The following ROBO2 variants were observed in gnomAD, a reference collection of about 807,000 sequenced individuals.
The protein encoded by ROBO2 is roundabout homolog 2.
A neutral mutation model predicts 160.8 loss-of-function variants in ROBO2; 53 were observed. The observed-to-expected ratio is 0.33, with a 90% CI of 0.26 to 0.41. ROBO2 has a LOEUF of 0.41. Ranked by LOEUF, ROBO2 falls within the 10% of genes least tolerant of loss-of-function variation. The pLI, the probability that ROBO2 is intolerant of heterozygous loss-of-function variation, is 1.00. For synonymous variants in ROBO2, 664 were observed against 611.7 expected, an observed-to-expected ratio of 1.09 and a Z score of -1.26; for missense variants, 1,577 against 1,722.4, an observed-to-expected ratio of 0.92 and a Z score of 1.49.
At chr3:77,443,452 G>A (rs1581986794) in intron 2 of ROBO2, among the ~76,000 whole-genome samples, 1 of 152,164 alleles carries the variant, frequency 6.6e-6, no homozygotes, top group Non-Finnish European at 1.5e-5. Context: ...CCCAATTTAA[G>A]TAGTGCAGTT....
intron 23 of ROBO2, chr3:77,633,938 C>G (rs904450237): frequency 6.6e-6 from 1 of 152,108 alleles, no homozygotes; most frequent in Non-Finnish European, 1.5e-5. Context: ...ATAGCTAACA[C>G]AGCATTAAGT....
chr3:76,274,385 A>G (rs951720401), intron 2 of ROBO2, among the ~76,000 whole-genome samples: 5 of 152,202 alleles, frequency 3.3e-5, no homozygotes, highest in African/African-American at 9.6e-5. Context: ...GATATCTTAA[A>G]CTAAGAATTA....
At chr3:76,630,467 T>C (rs540296688) in intron 2 of ROBO2, among the ~76,000 whole-genome samples, 6 of 145,438 alleles carry the variant, frequency 4.1e-5, no homozygotes, top group African/African-American at 1.7e-4. Flanking sequence ...TGTTTTGGTC[T>C]TTATTTAGAA....
intron 2 of ROBO2, among the ~76,000 whole-genome samples, chr3:76,041,978 G>C (rs569797653): frequency 5.5e-5 from 8 of 144,486 alleles, no homozygotes; most frequent in African/African-American, 2.3e-4. Context: ...GTGTGTGACA[G>C]AGAGTGAGAG....
At chr3:77,456,128 A>G (rs2081613281) in intron 2 of ROBO2, among the ~76,000 whole-genome samples, 1 of 152,218 alleles carries the variant, frequency 6.6e-6, no homozygotes, top group Non-Finnish European at 1.5e-5. Flanking sequence ...ATAATATCAT[A>G]GCACATTCTA....
chr3:76,600,318 A>G (rs1457214726), intron 2 of ROBO2, among the ~76,000 whole-genome samples: 1 of 152,210 alleles, frequency 6.6e-6, no homozygotes, highest in East Asian at 1.9e-4. Flanking sequence ...CAGTGTTTGA[A>G]TAACAGATTT....
chr3:76,221,413 T>A (rs975689291), intron 2 of ROBO2, among the ~76,000 whole-genome samples: 5 of 151,778 alleles, frequency 3.3e-5, no homozygotes, highest in African/African-American at 9.7e-5. Flanking sequence ...AGTGCCCCTC[T>A]CATTTTACAA....
intron 2 of ROBO2, among the ~76,000 whole-genome samples, chr3:77,181,063 G>C (rs2080737195): frequency 6.6e-6 from 1 of 152,038 alleles, no homozygotes. Flanking sequence ...GTGACCTTCA[G>C]TGCCTAATTA....
chr3:77,616,701 C>T (rs1424082866), intron 21 of ROBO2, among the ~76,000 whole-genome samples: 4 of 152,032 alleles, frequency 2.6e-5, no homozygotes, highest in African/African-American at 9.7e-5. Flanking sequence ...TGAAAGTATT[C>T]AGACTACAGA....
At chr3:76,938,991 A>G (rs1400027615) in intron 2 of ROBO2, among the ~76,000 whole-genome samples, 2 of 129,266 alleles carry the variant, frequency 1.5e-5, no homozygotes, top group East Asian at 2.3e-4. Flanking sequence ...AAAAAAAAAA[A>G]AAAAAGTAGC....
chr3:76,056,663 G>A (rs2067858955), intron 2 of ROBO2, among the ~76,000 whole-genome samples: 1 of 152,162 alleles, frequency 6.6e-6, no homozygotes, highest in South Asian at 2.1e-4. Context: ...TTAAATTTGA[G>A]TCTTGTAACA....
intron 2 of ROBO2, among the ~76,000 whole-genome samples, chr3:76,607,098 C>T (rs754161073): frequency 1.6e-4 from 24 of 152,246 alleles, no homozygotes; most frequent in Admixed American, 3.3e-4. Flanking sequence ...CCTAGAGCGC[C>T]GTGGCTAGTC....
chr3:77,448,286 G>A (rs189618897), intron 2 of ROBO2, among the ~76,000 whole-genome samples: 1 of 152,190 alleles, frequency 6.6e-6, no homozygotes, highest in Admixed American at 6.5e-5. Context: ...TATGAGGGGA[G>A]AGTAGCCCAG....
chr3:76,634,929 G>C (rs2090241411), intron 2 of ROBO2, among the ~76,000 whole-genome samples: 1 of 152,152 alleles, frequency 6.6e-6, no homozygotes, highest in African/African-American at 2.4e-5. Context: ...ACCCTATTGT[G>C]AATTGCGCAT....
chr3:76,496,853 CA>C (rs1176582952), intron 2 of ROBO2, among the ~76,000 whole-genome samples: 1 of 152,186 alleles, frequency 6.6e-6, no homozygotes, highest in African/African-American at 2.4e-5. Flanking sequence ...CCCAATCCAC[CA>C]TCTAATATTG....
chr3:77,043,477 A>T (rs887715605), intron 1 of ROBO2, among the ~76,000 whole-genome samples: 1 of 152,120 alleles, frequency 6.6e-6, no homozygotes, highest in Non-Finnish European at 1.5e-5. Flanking sequence ...ATTATTTATA[A>T]TTTTTCAGTA....
exon 26 of ROBO2, chr3:77,646,205 C>A: frequency 2.1e-6 from 1 of 483,768 alleles, no homozygotes; most frequent in Non-Finnish European, 3.7e-6. Flanking sequence ...CCACACATAT[C>A]CCACAGATAT....
intron 1 of ROBO2, among the ~76,000 whole-genome samples, chr3:77,084,210 G>C (rs891702848): frequency 2.6e-5 from 4 of 151,860 alleles, no homozygotes; most frequent in East Asian, 1.9e-4. Flanking sequence ...AGCAGTGAGC[G>C]CATCACTAAA....
chr3:77,562,795 ATAAGT>A (rs1181101145), intron 10 of ROBO2, 63 bp downstream of exon 11: 18 of 1,157,496 alleles, frequency 1.6e-5, no homozygotes, highest in Middle Eastern at 1.9e-4. Flanking sequence ...ATATCAAATA[ATAAGT>A]TAAGGGGGGA....
Sources: allele counts gnomAD v4.1 joint callset (sites outside exome capture counted in the v4.1 genomes callset), GRCh38; gene constraint gnomAD v4.1.1; transcripts MANE v1.5; gene names NCBI Gene and HGNC (gene_info 2026-07-23, HGNC 2026-07-21).